Variants in KLHL29 observed in about 807,000 individuals in gnomAD.
KLHL29 encodes kelch-like protein 29.
A neutral mutation model predicts 80.4 loss-of-function variants in KLHL29; 21 were observed. The observed-to-expected ratio is 0.26, with a 90% CI of 0.19 to 0.38. KLHL29 has a LOEUF of 0.38. KLHL29 is among the 10% of genes least tolerant of loss of function. KLHL29 has a pLI of 1.00. For synonymous variants in KLHL29, 511 were observed against 526.8 expected, an observed-to-expected ratio of 0.97 and a Z score of 0.41; for missense variants, 867 against 1,223.9, an observed-to-expected ratio of 0.71 and a Z score of 4.35.
intron 1 of KLHL29, among the ~76,000 whole-genome samples, chr2:23,409,464 C>T (rs1045147531): frequency 6.6e-6 from 1 of 152,180 alleles, no homozygotes; most frequent in East Asian, 1.9e-4. Flanking sequence ...CTCCGTTGGA[C>T]GAACAACTCA....
intron 5 of KLHL29, among the ~76,000 whole-genome samples, chr2:23,673,870 C>G (rs1294147475): frequency 6.8e-6 from 1 of 148,042 alleles, no homozygotes; most frequent in African/African-American, 2.5e-5. Context: ...GTACCCACCA[C>G]ATGCTCAAAC....
chr2:23,537,202 G>A (rs889022663), intron 2 of KLHL29, among the ~76,000 whole-genome samples: 2 of 152,128 alleles, frequency 1.3e-5, no homozygotes, highest in African/African-American at 4.8e-5. Flanking sequence ...TTCAGTTGGT[G>A]GGTGCCACTG....
At chr2:23,603,326 G>A (rs1260095345) in intron 3 of KLHL29, among the ~76,000 whole-genome samples, 2 of 152,204 alleles carry the variant, frequency 1.3e-5, no homozygotes, top group Non-Finnish European at 2.9e-5. Flanking sequence ...CCAACCAGCA[G>A]TCAAGGTGTT....
chr2:23,468,506 G>A (rs1229834323), intron 1 of KLHL29, among the ~76,000 whole-genome samples: 1 of 152,188 alleles, frequency 6.6e-6, no homozygotes, highest in African/African-American at 2.4e-5. Context: ...GCTATCAAGA[G>A]GCCATGCCCT....
At chr2:23,633,288 C>T (rs568165314) in intron 3 of KLHL29, among the ~76,000 whole-genome samples, 27 of 152,324 alleles carry the variant, frequency 1.8e-4, no homozygotes, top group African/African-American at 5.3e-4. Flanking sequence ...GGAACTGCTG[C>T]ACTGACTTTA....
chr2:23,562,573 A>G lies in KLHL29; in HGVS notation c.285+92A>G. 4.6e-6 allele frequency: 6 copies of G among 1,318,426 alleles called. No individual in the cohort carries two copies. The highest frequency in any genetic ancestry group is 2.5e-5 in the Admixed American group (1 of 39,316). The allele number at this position is 1,318,426 out of a possible 1,614,324, so 81.7% of individuals were successfully genotyped here. A position where few individuals can be genotyped will look rare whatever the true frequency, so the allele number is the denominator to read the frequency against. ...CCAGCCCCACAGGCTCCTGTGGGGC[A>G]GCCTGTGCTCCACGCCCCGAGTCCT... On this transcript the variant is annotated intron_variant, in intron 3 of 13. Transcript: ENST00000486442. The surrounding 1 kb of genome is among the most constrained non-coding windows in gnomAD (Gnocchi z 4.5).
chr2:23,648,941 G>A (rs1033222619), intron 5 of KLHL29, among the ~76,000 whole-genome samples: 1 of 152,210 alleles, frequency 6.6e-6, no homozygotes, highest in African/African-American at 2.4e-5. Flanking sequence ...GTAACTTGGA[G>A]GTAATAGTGC....
At chr2:23,627,716 C>T (rs1049397588) in intron 3 of KLHL29, among the ~76,000 whole-genome samples, 6 of 82,172 alleles carry the variant, frequency 7.3e-5, no homozygotes, top group African/African-American at 2.6e-4. Context: ...CTGAGGATGT[C>T]GTGTCAGGAT....
At chr2:23,419,694 T>C (rs1662728960) in intron 1 of KLHL29, among the ~76,000 whole-genome samples, 1 of 152,206 alleles carries the variant, frequency 6.6e-6, no homozygotes, top group African/African-American at 2.4e-5. Flanking sequence ...ACCAGGAGTC[T>C]GGCATTGGGC....
chr2:23,510,481 C>T (rs1665735074), intron 2 of KLHL29, among the ~76,000 whole-genome samples: 1 of 152,214 alleles, frequency 6.6e-6, no homozygotes, highest in African/African-American at 2.4e-5. Flanking sequence ...GTGAGCAAGC[C>T]TCAACAGGCT....
rs200455410 is a variant in KLHL29 at position 23,559,745 on chromosome 2, AAG to A, written c.-45-2400_-45-2399del. On this transcript the variant is annotated intron_variant, in intron 2 of 13. Coordinates refer to ENST00000486442, the MANE Select transcript of KLHL29 (RefSeq NM_052920.2). ...CTGCAGGGAGGTGGGGGTGGTGCTTAAGAGAGAGGAGAGCTGCAAAGGTAGCC... is the reference window on the plus strand; with the variant it reads ...CTGCAGGGAGGTGGGGGTGGTGCTTAAGAGAGGAGAGCTGCAAAGGTAGCC... Among the ~76,000 whole-genome samples the A allele has an allele frequency of 6.6e-5, 10 of 152,068 alleles. No individual in the cohort carries two copies. In the East Asian group the frequency reaches 1.5e-3, roughly 23 times the overall value.
Position 23,703,716 on chromosome 2 carries a change from C to A in KLHL29, c.2300-3C>A, listed in dbSNP as rs1303284184. On this transcript the variant is annotated splice_region_variant and splice_polypyrimidine_tract_variant and intron_variant, in intron 12 of 13. Transcript: ENST00000486442. ...TGACCTGCCTGCTCTGCTCTCCTCA[C>A]AGACAACAAGTATGCCCCCGCTGTC... 1 of 1,534,670 alleles carries A rather than the reference C, an allele frequency of 6.5e-7. No homozygotes were observed. Among genetic ancestry groups the A allele is most frequent in the Non-Finnish European group, 8.7e-7 (1 of 1,145,684 alleles).
At chr2:23,520,065 A>G (rs1275008140) in intron 2 of KLHL29, among the ~76,000 whole-genome samples, 2 of 152,122 alleles carry the variant, frequency 1.3e-5, no homozygotes, top group Non-Finnish European at 2.9e-5. Flanking sequence ...TTTTCCTTTC[A>G]CTGGTATCAT....
At chr2:23,629,667 G>A (rs1365293289) in intron 3 of KLHL29, among the ~76,000 whole-genome samples, 4 of 152,212 alleles carry the variant, frequency 2.6e-5, no homozygotes, top group African/African-American at 9.6e-5. Flanking sequence ...GTGTGCAAGG[G>A]AGGCCATCTG....
At chr2:23,471,229 C>T (rs967933118) in intron 1 of KLHL29, among the ~76,000 whole-genome samples, 5 of 152,146 alleles carry the variant, frequency 3.3e-5, no homozygotes, top group South Asian at 2.1e-4. Flanking sequence ...AGTGTGGTTA[C>T]GACCCTGGCG....
At chr2:23,544,460 C>T (rs762331124) in intron 2 of KLHL29, among the ~76,000 whole-genome samples, 1 of 152,182 alleles carries the variant, frequency 6.6e-6, no homozygotes, top group African/African-American at 2.4e-5. Context: ...ATGGAGATAG[C>T]CATCGGAACA....
At chr2:23,625,647 A>T (rs537592927) in intron 3 of KLHL29, among the ~76,000 whole-genome samples, 1 of 152,292 alleles carries the variant, frequency 6.6e-6, no homozygotes, top group Admixed American at 6.5e-5. Context: ...AGGCGGATCG[A>T]TCTCCACTCG....
intron 1 of KLHL29, among the ~76,000 whole-genome samples, chr2:23,422,031 CTG>C (rs1461065060): frequency 6.7e-6 from 1 of 149,044 alleles, no homozygotes; most frequent in Non-Finnish European, 1.5e-5. Flanking sequence ...TGTCTTATGT[CTG>C]TGTGTGTTCA....
intron 3 of KLHL29, among the ~76,000 whole-genome samples, chr2:23,592,605 T>C (rs1223647158): frequency 6.6e-6 from 1 of 152,208 alleles, no homozygotes; most frequent in Non-Finnish European, 1.5e-5. Context: ...CAGCCCTGCT[T>C]TGGGGTCGCA....
Sources: allele counts gnomAD v4.1 joint callset (sites outside exome capture counted in the v4.1 genomes callset), GRCh38; gene constraint gnomAD v4.1.1; non-coding constraint Gnocchi (gnomAD v3.1); transcripts MANE v1.5; gene names NCBI Gene and HGNC (gene_info 2026-07-23, HGNC 2026-07-21).